CTNNA3: variants seen among roughly 807,000 people sequenced by gnomAD.
CTNNA3 encodes the protein catenin alpha-3.
A neutral mutation model predicts 95.7 loss-of-function variants in CTNNA3; 76 were observed. The ratio of observed to expected loss-of-function variants is 0.79; its 90% CI spans 0.66 to 0.96. CTNNA3 has a LOEUF of 0.96. CTNNA3 is among the 40% of genes least tolerant of loss of function. The pLI is 0.00. For missense variants in CTNNA3, 1,191 were observed against 1,089.8 expected, an observed-to-expected ratio of 1.09 and a Z score of -1.31; for synonymous variants, 431 against 374.4, an observed-to-expected ratio of 1.15 and a Z score of -1.74.
chr10:67,621,664 G>C (rs780030908), intron 2 of CTNNA3, among the ~76,000 whole-genome samples: 23 of 151,596 alleles, frequency 1.5e-4, no homozygotes, highest in Non-Finnish European at 2.2e-4. Flanking sequence ...CAGAAGAATT[G>C]CTTGAAACTG....
At chr10:66,171,093 A>G (rs1288305782) in intron 13 of CTNNA3, among the ~76,000 whole-genome samples, 1 of 152,108 alleles carries the variant, frequency 6.6e-6, no homozygotes, top group Non-Finnish European at 1.5e-5. Context: ...AGATGGAGCC[A>G]CTGCACTCCA....
At chr10:67,289,023 A>T (rs554696497) in intron 5 of CTNNA3, among the ~76,000 whole-genome samples, 1 of 152,308 alleles carries the variant, frequency 6.6e-6, no homozygotes, top group East Asian at 1.9e-4. Context: ...CTTTAGAAAA[A>T]CTTCAGCATT....
At chr10:66,744,708 T>C (rs2132708184) in intron 9 of CTNNA3, among the ~76,000 whole-genome samples, 1 of 152,312 alleles carries the variant, frequency 6.6e-6, no homozygotes, top group East Asian at 1.9e-4. Context: ...TACTGTTTTA[T>C]AAGGATTATT....
intron 7 of CTNNA3, among the ~76,000 whole-genome samples, chr10:66,840,364 TCTCTCTCTCACACA>T (rs796548364): frequency 0.057 from 5,209 of 90,730 alleles, 60 homozygotes; most frequent in African/African-American, 0.1. Flanking sequence ...TCTCTCTCTC[TCTCTCTCTCACACA>T]CACACACACA....
At chr10:66,204,426 T>C (rs1157199023) in intron 13 of CTNNA3, among the ~76,000 whole-genome samples, 1 of 152,134 alleles carries the variant, frequency 6.6e-6, no homozygotes, top group Non-Finnish European at 1.5e-5. Flanking sequence ...ATTAAAGAAC[T>C]AAAGCTCACA....
At chr10:66,604,512 T>C (rs1380893446) in intron 10 of CTNNA3, among the ~76,000 whole-genome samples, 1 of 152,122 alleles carries the variant, frequency 6.6e-6, no homozygotes, top group Non-Finnish European at 1.5e-5. Context: ...GATCCTGCTG[T>C]CACCATACTA....
Position 66,430,564 on chromosome 10 carries a change from A to G in CTNNA3, c.1532-51212T>C, listed in dbSNP as rs185938494. On this transcript the variant is annotated intron_variant, in intron 11 of 17. Transcript: ENST00000433211. ...TGGTACCAAAACAGATATACAGACC[A>G]ATGGAACAGAACAGAGCCCTCAGAA... Among the ~76,000 whole-genome samples, 10 of 152,322 alleles carry G rather than the reference A, an allele frequency of 6.6e-5. No homozygotes were observed. The East Asian group carries it at 1.9e-3, about 29-fold the overall frequency.
intron 17 of CTNNA3, among the ~76,000 whole-genome samples, chr10:65,954,605 A>G (rs983593305): frequency 2.8e-4 from 43 of 152,184 alleles, no homozygotes; most frequent in Middle Eastern, 3.4e-3. Flanking sequence ...TTCTACATAT[A>G]ACTAGCCAGT....
chr10:67,529,575 T>C (rs1840258240), intron 4 of CTNNA3, among the ~76,000 whole-genome samples: 1 of 151,346 alleles, frequency 6.6e-6, no homozygotes, highest in Non-Finnish European at 1.5e-5. Flanking sequence ...CACACCAGCA[T>C]GGCACATGTA....
chr10:67,735,559 C>T (rs955859687), intron 1 of CTNNA3, among the ~76,000 whole-genome samples: 7 of 152,034 alleles, frequency 4.6e-5, no homozygotes, highest in African/African-American at 1.4e-4. Context: ...AGTTCAACAT[C>T]ATTAGTCATT....
intron 10 of CTNNA3, among the ~76,000 whole-genome samples, chr10:66,618,197 T>C (rs369728428): frequency 6.6e-6 from 1 of 151,780 alleles, no homozygotes; most frequent in Non-Finnish European, 1.5e-5. Flanking sequence ...CTTCACAGAA[T>C]TGGAAAAAAC....
chr10:66,805,484 C>T (rs1564694765), intron 7 of CTNNA3, among the ~76,000 whole-genome samples: 1 of 148,680 alleles, frequency 6.7e-6, no homozygotes, highest in African/African-American at 2.5e-5. Context: ...TATATATACA[C>T]ATATATATAC....
At chr10:67,142,513 T>A (rs1270777863) in intron 7 of CTNNA3, among the ~76,000 whole-genome samples, 1 of 152,128 alleles carries the variant, frequency 6.6e-6, no homozygotes, top group Non-Finnish European at 1.5e-5. Context: ...AATATCACAA[T>A]AAAGCAAGTC....
In CTNNA3 at chr10:66,204,832, G is replaced by A. The variant is rs1589724986; in HGVS notation, c.1884+75638C>T. Among the ~76,000 whole-genome samples, 3 of 152,268 alleles carry A rather than the reference G, an allele frequency of 2.0e-5. No homozygotes were observed. In the South Asian group the frequency reaches 6.2e-4, roughly 32 times the overall value. ...ATTCAAGTGCCTGGCATGTGCCAGG[G>A]CACCTGGTGGAAGCCCAATATGCAT... is the stretch of plus-strand genomic sequence containing the variant. On this transcript the variant is annotated intron_variant, in intron 13 of 17. Coordinates refer to ENST00000433211, the MANE Select transcript of CTNNA3 (RefSeq NM_013266.4).
At chr10:67,716,141 G>T (rs1219242906) in intron 1 of CTNNA3, among the ~76,000 whole-genome samples, 1 of 151,936 alleles carries the variant, frequency 6.6e-6, no homozygotes, top group African/African-American at 2.4e-5. Flanking sequence ...TCAAATATAG[G>T]TATATTAACA....
At chr10:66,147,035 A>C (rs2083920924) in intron 13 of CTNNA3, among the ~76,000 whole-genome samples, 1 of 152,170 alleles carries the variant, frequency 6.6e-6, no homozygotes, top group South Asian at 2.1e-4. Context: ...TTGCTCTTGA[A>C]GGTTGAAATT....
chr10:67,762,859 T>C (rs974716333), intron 1 of CTNNA3, among the ~76,000 whole-genome samples: 22 of 152,288 alleles, frequency 1.4e-4, no homozygotes, highest in African/African-American at 4.8e-4. Flanking sequence ...TCCATTCTAA[T>C]TACCGGTGCA....
chr10:67,486,990 AT>A (rs2133068850), intron 5 of CTNNA3, among the ~76,000 whole-genome samples: 1 of 152,292 alleles, frequency 6.6e-6, no homozygotes, highest in Admixed American at 6.5e-5. Flanking sequence ...TCCAAAAAGT[AT>A]TTAACTAAAC....
intron 3 of CTNNA3, among the ~76,000 whole-genome samples, chr10:67,563,170 C>T (rs1020974273): frequency 1.1e-4 from 17 of 152,106 alleles, no homozygotes; most frequent in African/African-American, 3.9e-4. Context: ...AAAAAAGAGC[C>T]CGCATCGCCA....
Sources: allele counts gnomAD v4.1 joint callset (sites outside exome capture counted in the v4.1 genomes callset), GRCh38; gene constraint gnomAD v4.1.1; transcripts MANE v1.5; gene names NCBI Gene and HGNC (gene_info 2026-07-23, HGNC 2026-07-21).